The following ROBO2 variants were observed in gnomAD, a reference collection of about 807,000 sequenced individuals.
The protein encoded by ROBO2 is roundabout homolog 2.
A neutral mutation model predicts 160.8 loss-of-function variants in ROBO2; 53 were observed. The observed-to-expected ratio is 0.33, with a 90% confidence interval of 0.26 to 0.41. The LOEUF (loss-of-function observed/expected upper bound fraction) is 0.41. Among genes scored for constraint, ROBO2 ranks in the 10% least tolerant of loss-of-function variants. The pLI is 1.00. For missense variants in ROBO2, 1,577 were observed against 1,722.4 expected, an observed-to-expected ratio of 0.92 and a Z score of 1.49; for synonymous variants, 664 against 611.7, an observed-to-expected ratio of 1.09 and a Z score of -1.26.
At chr3:76,533,909 A>C (rs1237944926) in intron 2 of ROBO2, among the ~76,000 whole-genome samples, 1 of 152,052 alleles carries the variant, frequency 6.6e-6, no homozygotes, top group Non-Finnish European at 1.5e-5. Context: ...CAATCGGTGA[A>C]GGCAGGAACT....
chr3:77,570,577 C>T (rs929183352), intron 13 of ROBO2, among the ~76,000 whole-genome samples: 9 of 151,816 alleles, frequency 5.9e-5, no homozygotes, highest in African/African-American at 1.9e-4. Flanking sequence ...GTTAATATCA[C>T]GGCATATTGT....
At chr3:77,397,229 C>A (rs2075363609) in intron 2 of ROBO2, among the ~76,000 whole-genome samples, 1 of 152,110 alleles carries the variant, frequency 6.6e-6, no homozygotes, top group African/African-American at 2.4e-5. Context: ...TGAGACTGAT[C>A]ATGGCTTGTT....
intron 2 of ROBO2, among the ~76,000 whole-genome samples, chr3:75,990,212 C>A (rs1241805275): frequency 6.6e-6 from 1 of 152,078 alleles, no homozygotes; most frequent in Admixed American, 6.5e-5. Flanking sequence ...AAAAATTAAA[C>A]AAGCTTATAA....
chr3:77,638,323 T>G (rs541262711), intron 24 of ROBO2, among the ~76,000 whole-genome samples: 1 of 152,362 alleles, frequency 6.6e-6, no homozygotes, highest in South Asian at 2.1e-4. Context: ...CAGTGTTTGC[T>G]GTTTTCTAAG....
chr3:75,975,539 T>A (rs544953708), intron 2 of ROBO2, among the ~76,000 whole-genome samples: 1 of 151,598 alleles, frequency 6.6e-6, no homozygotes, highest in South Asian at 2.1e-4. Flanking sequence ...TCTCAAGTTT[T>A]CAGACAACTC....
At chr3:77,577,493 C>A in exon 15 of ROBO2, 1 of 1,613,332 alleles carries the variant, frequency 6.2e-7, no homozygotes, top group East Asian at 2.2e-5. Context: ...TCTACAGCCC[C>A]AAGTGCCCCA....
chr3:76,555,362 AGAAGAAGAAGAAGAAGAAGAAGAAG>A (rs1289819483), intron 2 of ROBO2, among the ~76,000 whole-genome samples: 2,151 of 50,544 alleles, frequency 0.043, 50 homozygotes, highest in Non-Finnish European at 0.078. Context: ...GGAAGAGAGA[AGAAGAAGAAGAAGAAGAAGAAGAAG>A]AAGAAGAAGA....
chr3:76,479,041 A>C (rs901839869), intron 2 of ROBO2, among the ~76,000 whole-genome samples: 1 of 152,152 alleles, frequency 6.6e-6, no homozygotes, highest in Non-Finnish European at 1.5e-5. Context: ...TGTTTGTAGC[A>C]TGGGAAAATG....
intron 1 of ROBO2, among the ~76,000 whole-genome samples, chr3:75,931,431 A>C (rs569295682): frequency 2.3e-4 from 35 of 152,208 alleles, no homozygotes; most frequent in African/African-American, 7.0e-4. Flanking sequence ...GGCTCACTGA[A>C]ACCTCTGCCT....
chr3:77,276,312 C>T (rs917611654), intron 2 of ROBO2, among the ~76,000 whole-genome samples: 3 of 152,010 alleles, frequency 2.0e-5, no homozygotes, highest in Non-Finnish European at 2.9e-5. Context: ...GTCTTTTCAA[C>T]AATTTTTCCT....
At chr3:77,398,114 A>G (rs1581636554) in intron 2 of ROBO2, among the ~76,000 whole-genome samples, 1 of 152,274 alleles carries the variant, frequency 6.6e-6, no homozygotes, top group East Asian at 1.9e-4. Context: ...AATATTCACT[A>G]CAATAATGAG....
intron 2 of ROBO2, among the ~76,000 whole-genome samples, chr3:76,075,415 C>T (rs142719138): frequency 5.5e-4 from 84 of 151,370 alleles, no homozygotes; most frequent in Non-Finnish European, 1.1e-3. Flanking sequence ...GTCTTTGCCT[C>T]CTGTCTGGAG....
chr3:77,294,988 A>G (rs1282057451), intron 2 of ROBO2, among the ~76,000 whole-genome samples: 4 of 151,870 alleles, frequency 2.6e-5, no homozygotes, highest in African/African-American at 9.7e-5. Flanking sequence ...ATAAAGTAAA[A>G]TTGACGGTTA....
intron 2 of ROBO2, among the ~76,000 whole-genome samples, chr3:76,705,848 C>T (rs2093149864): frequency 6.6e-6 from 1 of 152,030 alleles, no homozygotes; most frequent in African/African-American, 2.4e-5. Context: ...AAAGCTGTGA[C>T]CTGTGATCTC....
At chr3:77,565,231 G>T in intron 12 of ROBO2, 111 bp downstream of exon 13, 6 of 1,178,242 alleles carry the variant, frequency 5.1e-6, no homozygotes, top group Non-Finnish European at 7.6e-6. Context: ...TTGTATGATG[G>T]CTCACTAGGC....
chr3:77,601,677 A>T (rs1024020553), intron 19 of ROBO2, among the ~76,000 whole-genome samples: 1 of 152,128 alleles, frequency 6.6e-6, no homozygotes, highest in Admixed American at 6.6e-5. Flanking sequence ...AAAAAAATGC[A>T]CTCTCCTTTT....
chr3:76,950,581 T>TA, intron 2 of ROBO2, among the ~76,000 whole-genome samples: 1 of 152,228 alleles, frequency 6.6e-6, no homozygotes, highest in Non-Finnish European at 1.5e-5. Context: ...TGAAGGGTTC[T>TA]AAACAGTCTC....
At chr3:76,751,279 T>G (rs2060625914) in intron 2 of ROBO2, among the ~76,000 whole-genome samples, 1 of 152,150 alleles carries the variant, frequency 6.6e-6, no homozygotes, top group South Asian at 2.1e-4. Flanking sequence ...GATCCCTTCC[T>G]TGCACCTTAT....
intron 2 of ROBO2, among the ~76,000 whole-genome samples, chr3:76,749,938 C>G (rs1198831410): frequency 6.6e-6 from 1 of 152,112 alleles, no homozygotes; most frequent in Non-Finnish European, 1.5e-5. Context: ...TCCTCCCTAA[C>G]TCATTTTCTG....
Sources: allele counts gnomAD v4.1 joint callset (sites outside exome capture counted in the v4.1 genomes callset), GRCh38; gene constraint gnomAD v4.1.1; transcripts MANE v1.5; gene names NCBI Gene and HGNC (gene_info 2026-07-23, HGNC 2026-07-21).